The following CAPN1 variants were observed in gnomAD, a reference collection of about 807,000 sequenced individuals.
CAPN1 encodes the protein calpain-1 catalytic subunit.
In CAPN1, 77 loss-of-function variants were observed where a neutral mutation model predicts 105.2. That is an observed-to-expected ratio of 0.73 (90% CI 0.61 to 0.88). The LOEUF (loss-of-function observed/expected upper bound fraction) is 0.88, where lower values mean the gene tolerates loss of function less well. CAPN1 is among the 40% of genes least tolerant of loss of function. The pLI, the probability that CAPN1 is intolerant of heterozygous loss-of-function variation, is 0.00. For missense variants in CAPN1, 833 were observed against 976.6 expected (o/e 0.85, Z 1.96); for synonymous variants, 355 against 388.8 (o/e 0.91, Z 1.02).
chr11:65,188,376 A>G lies in CAPN1; in HGVS notation c.930-38A>G. 1.9e-6 allele frequency: 3 copies of G among 1,560,540 alleles called. No individual in the cohort carries two copies. The highest frequency in any genetic ancestry group is 3.6e-5 in the Admixed American group (2 of 55,616). ...CCCAGGGACAGAGGCCAGGCAGGTC[A>G]GTGCCCACCAGCCCTGGCAGAGCCC... On this transcript the variant is annotated intron_variant, in intron 8 of 21. Transcript: ENST00000279247. The surrounding 1 kb of genome is among the most constrained non-coding windows in gnomAD (Gnocchi z 5.5).
rs778620717 is a variant in CAPN1, at chr11:65,210,486, T to G, written c.2059+34T>G. ...CCCCAACTGCCTCCCACCCTCCAGC[T>G]CCGTCCCAAACGCGTCCCCCAGGAG... On this transcript the variant is annotated intron_variant, in intron 20 of 21. Transcript: ENST00000279247. The surrounding 1 kb of genome is among the most constrained non-coding windows in gnomAD (Gnocchi z 4.3). 4.1e-5 allele frequency: 55 copies of G among 1,330,412 alleles called. No homozygotes were observed. The Admixed American group carries it at 9.4e-4, about 23-fold the overall frequency. 82.4% of individuals were successfully genotyped at this position (1,330,412 alleles called of 1,614,324 possible).
chr11:65,203,198 C>CTCT (rs111923742), intron 10 of CAPN1, among the ~76,000 whole-genome samples: 221 of 149,666 alleles, frequency 1.5e-3, no homozygotes, highest in Non-Finnish European at 1.6e-3. Context: ...AACATTCTCT[C>CTCT]TTTTTTTTTT....
rs1488821836 is a variant in CAPN1, at chr11:65,206,454, TC to T, written c.1354-6del. ...AGCTGCAGCCCTGCTCCCTCCTCCCTCCCACCAGCTGGTGGGCCAGCCGGCC... is the reference window on the plus strand; with the variant it reads ...AGCTGCAGCCCTGCTCCCTCCTCCCTCCACCAGCTGGTGGGCCAGCCGGCC... On this transcript the variant is annotated splice_polypyrimidine_tract_variant and splice_region_variant and intron_variant, in intron 12 of 21. Transcript: ENST00000279247. 6.2e-7 allele frequency: 1 copy of T among 1,609,522 alleles called. No individual in the cohort carries two copies. Among genetic ancestry groups the T allele is most frequent in the Non-Finnish European group, 8.5e-7 (1 of 1,177,314 alleles).
chr11:65,207,226 G>C (rs1299370077), intron 14 of CAPN1, among the ~76,000 whole-genome samples: 1 of 134,128 alleles, frequency 7.5e-6, no homozygotes, highest in African/African-American at 2.9e-5. Context: ...TTTTGAGAGA[G>C]TCTCACTCTG....
Position 65,183,253 on chromosome 11 carries a change from C to T in CAPN1, c.337+56C>T, listed in dbSNP as rs1010233435. ...TTTTTTCCACAGTAGTTCCCCATTC[C>T]CGCTCCTTCAGGCTCTGCCCCAACC... On this transcript the variant is annotated intron_variant, in intron 3 of 21. Transcript: ENST00000279247. 4.0e-6 allele frequency: 6 copies of T among 1,515,338 alleles called. No individual in the cohort carries two copies. The African/African-American group carries it at 6.8e-5, about 17-fold the overall frequency. The allele number at this position is 1,515,338 out of a possible 1,614,324, so 93.9% of individuals were successfully genotyped here.
intron 10 of CAPN1, among the ~76,000 whole-genome samples, chr11:65,196,001 A>G (rs1590857463): frequency 6.6e-6 from 1 of 151,832 alleles, no homozygotes; most frequent in Admixed American, 6.6e-5. Context: ...TATATTATCT[A>G]ATTTATTATC....
intron 10 of CAPN1, among the ~76,000 whole-genome samples, chr11:65,192,898 T>G (rs920135441): frequency 6.7e-6 from 1 of 150,096 alleles, no homozygotes; most frequent in African/African-American, 2.5e-5. Flanking sequence ...TGAGCCACTG[T>G]GCCCAGCCCT....
intron 10 of CAPN1, among the ~76,000 whole-genome samples, chr11:65,198,312 T>G (rs990230744): frequency 6.6e-6 from 1 of 151,988 alleles, no homozygotes; most frequent in Non-Finnish European, 1.5e-5. Flanking sequence ...GCCTGGCTAA[T>G]TTTTGCACTT....
chr11:65,207,195 T>C (rs1471787651), intron 14 of CAPN1, among the ~76,000 whole-genome samples: 1 of 148,264 alleles, frequency 6.7e-6, no homozygotes, highest in Non-Finnish European at 1.5e-5. Context: ...ATCCAAACTC[T>C]TGCCTTTTTT....
chr11:65,183,416 G>A (rs778906752), intron 3 of CAPN1, 58 bp from the exon 4 acceptor site: 15 of 1,368,482 alleles, frequency 1.1e-5, no homozygotes, highest in Admixed American at 1.7e-5. Context: ...CCTAGCACCC[G>A]CTTCCCCCCC....
intron 21 of CAPN1, 112 bp from the exon 22 acceptor site, chr11:65,211,148 T>C (rs1338724074): frequency 2.5e-6 from 3 of 1,219,458 alleles, no homozygotes; most frequent in Non-Finnish European, 3.5e-6. Flanking sequence ...TCCATGAGGT[T>C]CCTGAGGTGG....
chr11:65,207,346 C>T (rs1166579933), intron 14 of CAPN1, among the ~76,000 whole-genome samples: 3 of 151,674 alleles, frequency 2.0e-5, no homozygotes, highest in African/African-American at 7.3e-5. Context: ...ATTACAGGCG[C>T]ACGTTACCAC....
chr11:65,199,952 G>A (rs1013893500), intron 10 of CAPN1, among the ~76,000 whole-genome samples: 50 of 152,164 alleles, frequency 3.3e-4, no homozygotes, highest in African/African-American at 1.1e-3. Context: ...TCTCTGCCCC[G>A]TGAGAGAGTT....
chr11:65,210,998 GC>G lies in CAPN1; in HGVS notation c.2118+128del. On this transcript the variant is annotated intron_variant, in intron 21 of 21. Transcript: ENST00000279247. This position sits in a 1 kb window ranked among gnomAD's most constrained non-coding sequence, Gnocchi z 4.3. ...CCTCAGAGCCAACCCTGAAGCCCGG[GC>G]CACCTGAATCCTGAAAGGCTGGGGT... is the stretch of plus-strand genomic sequence containing the variant. The G allele has an allele frequency of 1.1e-6, 1 of 899,804 alleles. No homozygotes were observed. Among genetic ancestry groups the G allele is most frequent in the Non-Finnish European group, 1.8e-6 (1 of 551,194 alleles). 55.7% of individuals were successfully genotyped at this position (899,804 alleles called of 1,614,324 possible). A position where few individuals can be genotyped will look rare whatever the true frequency, so the allele number is the denominator to read the frequency against.
Position 65,201,005 on chromosome 11 carries a change from C to T in CAPN1, c.1166-3678C>T, listed in dbSNP as rs1349618293. Among the ~76,000 whole-genome samples, 4 of 122,180 alleles carry T rather than the reference C, an allele frequency of 3.3e-5. No homozygotes were observed. In the South Asian group the frequency reaches 8.7e-4, roughly 26 times the overall value. 80.2% of individuals were successfully genotyped at this position (122,180 alleles called of 152,430 possible). A position where few individuals can be genotyped will look rare whatever the true frequency, so the allele number is the denominator to read the frequency against. ...TGTCACCCAGGCTGGAGTGCAGTGGCGCAATCTCAGCTCACTGCAAGCTCC... is the reference window on the plus strand; with the variant it reads ...TGTCACCCAGGCTGGAGTGCAGTGGTGCAATCTCAGCTCACTGCAAGCTCC... On this transcript the variant is annotated intron_variant, in intron 10 of 21. Transcript: ENST00000279247.
intron 12 of CAPN1, chr11:65,206,157 C>T (rs1948953988): frequency 1.8e-6 from 1 of 544,208 alleles, no homozygotes; most frequent in African/African-American, 1.9e-5. Flanking sequence ...TGCCGAGTAC[C>T]CTGCAGTACC....
chr11:65,194,032 G>T (rs1411501120), intron 10 of CAPN1, among the ~76,000 whole-genome samples: 1 of 137,430 alleles, frequency 7.3e-6, no homozygotes, highest in Non-Finnish European at 1.5e-5. Flanking sequence ...TGCGATCTTG[G>T]CTCACTGCAA....
At chr11:65,185,707 A>G (rs555921071) in intron 4 of CAPN1, among the ~76,000 whole-genome samples, 1 of 150,244 alleles carries the variant, frequency 6.7e-6, no homozygotes, top group South Asian at 2.1e-4. Flanking sequence ...TGTATCTAGT[A>G]TATGTGATTT....
rs774058376 is a variant in CAPN1 at position 65,206,609 on chromosome 11, C to A, written c.1500C>A (p.Thr500=). The change falls in exon 13 of 22, where the codon ACC becomes ACA. Residue 500 remains threonine, a synonymous_variant. Coordinates refer to ENST00000279247, the MANE Select transcript of CAPN1 (RefSeq NM_005186.4). ...PPGEYVVVPS[T]FEPNKEGDFV... ...GGGAGTATGTGGTGGTGCCCTCCAC[C>A]TTCGAGCCCAACAAGGAGGGCGACT... 3 of 1,613,480 alleles carry A rather than the reference C, an allele frequency of 1.9e-6. No homozygotes were observed. Among genetic ancestry groups the A allele is most frequent in the Non-Finnish European group, 2.5e-6 (3 of 1,179,886 alleles).
Sources: gnomAD v4.1 joint callset for allele counts (sites outside exome capture counted in the v4.1 genomes callset) on GRCh38, gnomAD v4.1.1 for gene constraint, Gnocchi (gnomAD v3.1) non-coding constraint, MANE v1.5 for transcripts, NCBI Gene and HGNC (gene_info 2026-07-23, HGNC 2026-07-21) for gene names.